The following ZFPM2 variants were observed in gnomAD, a reference collection of about 807,000 sequenced individuals.
The protein encoded by ZFPM2 is zinc finger protein, FOG family member 2, also known as zinc finger protein ZFPM2.
A neutral mutation model predicts 98.6 loss-of-function variants in ZFPM2; 20 were observed. The ratio of observed to expected loss-of-function variants is 0.20; its 90% CI spans 0.14 to 0.29. The LOEUF (loss-of-function observed/expected upper bound fraction) is 0.29. ZFPM2 is among the 10% of genes least tolerant of loss of function. The probability of loss-of-function intolerance (pLI) is 1.00; values close to 1 mark genes in which losing one functional copy is unlikely to be tolerated. For missense variants in ZFPM2, 1,310 were observed against 1,388.6 expected (o/e 0.94, Z 0.90); for synonymous variants, 518 against 502.7 (o/e 1.03, Z -0.41).
chr8:105,635,338 G>C (rs1816825803), intron 5 of ZFPM2, among the ~76,000 whole-genome samples: 1 of 151,978 alleles, frequency 6.6e-6, no homozygotes, highest in South Asian at 2.1e-4. Flanking sequence ...TTAAAAACTT[G>C]CTAGAAACAA....
chr8:105,643,897 C>G (rs186994660), intron 5 of ZFPM2, among the ~76,000 whole-genome samples: 38 of 152,320 alleles, frequency 2.5e-4, no homozygotes, highest in African/African-American at 8.9e-4. Flanking sequence ...AGAGCCAAAT[C>G]TGACCCATGA....
At chr8:105,646,260 A>T (rs1214458816) in intron 5 of ZFPM2, among the ~76,000 whole-genome samples, 1 of 152,028 alleles carries the variant, frequency 6.6e-6, no homozygotes, top group Non-Finnish European at 1.5e-5. Context: ...GGCCAGAACC[A>T]CTCTGTGGTT....
At position 105,491,546 on chromosome 8, in the gene ZFPM2, A is replaced by G. The variant is rs142316129; in HGVS notation, c.301+47165A>G. Among the ~76,000 whole-genome samples, 406 of 152,292 alleles carry G rather than the reference A, an allele frequency of 2.7e-3. 2 individuals carry two copies. Among genetic ancestry groups the G allele is most frequent in the African/African-American group, 9.3e-3 (386 of 41,570 alleles). The stretch of plus-strand genomic sequence containing the variant: ...TGAGATGAATTTCAATGTTGGCCTC[A>G]TCTTTTTTGTTGTTGTTGGAGTTTG... On this transcript the variant is annotated intron_variant, in intron 3 of 7. Transcript: ENST00000407775.
chr8:105,625,483 A>G (rs1490964281), intron 4 of ZFPM2, among the ~76,000 whole-genome samples: 1 of 152,264 alleles, frequency 6.6e-6, no homozygotes, highest in South Asian at 2.1e-4. Context: ...TTTTCAATAG[A>G]ATCACAAGAT....
intron 4 of ZFPM2, among the ~76,000 whole-genome samples, chr8:105,632,257 C>T (rs1311280287): frequency 6.6e-6 from 1 of 152,168 alleles, no homozygotes; most frequent in African/African-American, 2.4e-5. Context: ...GCAACCTCCA[C>T]CTCCTGGGTT....
chr8:105,396,660 C>A (rs1270365836), intron 1 of ZFPM2, among the ~76,000 whole-genome samples: 1 of 152,160 alleles, frequency 6.6e-6, no homozygotes, highest in Non-Finnish European at 1.5e-5. Context: ...TCCGTTAGTG[C>A]ATGTTTATCA....
At chr8:105,359,228 A>T (rs189324299) in intron 1 of ZFPM2, among the ~76,000 whole-genome samples, 1 of 152,166 alleles carries the variant, frequency 6.6e-6, no homozygotes, top group East Asian at 1.9e-4. Flanking sequence ...CATGTAAGAC[A>T]TGCCTGCTTC....
chr8:105,778,112 A>G (rs1246798687), intron 5 of ZFPM2, among the ~76,000 whole-genome samples: 1 of 152,206 alleles, frequency 6.6e-6, no homozygotes, highest in Non-Finnish European at 1.5e-5. Flanking sequence ...CATAATTTAT[A>G]AGTTCTATTC....
At chr8:105,750,726 C>T (rs1812455696) in intron 5 of ZFPM2, among the ~76,000 whole-genome samples, 1 of 151,876 alleles carries the variant, frequency 6.6e-6, no homozygotes, top group South Asian at 2.1e-4. Context: ...GTTTTCCTGA[C>T]TCAGAGGAAA....
intron 3 of ZFPM2, among the ~76,000 whole-genome samples, chr8:105,527,310 A>C (rs143249849): frequency 0.01 from 1,576 of 152,298 alleles, 25 homozygotes; most frequent in African/African-American, 0.036. Context: ...GACGACCTGG[A>C]AATTGGTTGG....
chr8:105,706,601 A>G (rs1194021285), intron 5 of ZFPM2, among the ~76,000 whole-genome samples: 4 of 151,856 alleles, frequency 2.6e-5, no homozygotes, highest in Admixed American at 2.6e-4. Flanking sequence ...TTTTTTTTGG[A>G]AATAGAGTCT....
chr8:105,358,912 G>A (rs776964042), intron 1 of ZFPM2, among the ~76,000 whole-genome samples: 1 of 152,108 alleles, frequency 6.6e-6, no homozygotes, highest in Non-Finnish European at 1.5e-5. Flanking sequence ...CTGAAATCAT[G>A]CCACTGCACT....
chr8:105,713,188 C>T (rs1811443786), intron 5 of ZFPM2, among the ~76,000 whole-genome samples: 1 of 151,892 alleles, frequency 6.6e-6, no homozygotes, highest in Admixed American at 6.6e-5. Flanking sequence ...CATAGTCTCC[C>T]CGGCATGTTA....
chr8:105,478,149 C>T (rs1181638072), intron 3 of ZFPM2, among the ~76,000 whole-genome samples: 2 of 152,158 alleles, frequency 1.3e-5, no homozygotes, highest in Non-Finnish European at 2.9e-5. Context: ...CGGCTGACCA[C>T]GGGAATGGAA....
At chr8:105,557,313 G>T (rs974453948) in intron 3 of ZFPM2, among the ~76,000 whole-genome samples, 2 of 152,132 alleles carry the variant, frequency 1.3e-5, no homozygotes, top group African/African-American at 2.4e-5. Flanking sequence ...CCAAGACCTT[G>T]CTTCTAGTTA....
chr8:105,625,821 G>A (rs1375600195), intron 4 of ZFPM2, among the ~76,000 whole-genome samples: 5 of 151,830 alleles, frequency 3.3e-5, no homozygotes, highest in Admixed American at 6.6e-5. Context: ...GACCTCAGGC[G>A]ATCCACCAAC....
chr8:105,382,497 T>C (rs549459463), intron 1 of ZFPM2, among the ~76,000 whole-genome samples: 5 of 152,060 alleles, frequency 3.3e-5, no homozygotes, highest in African/African-American at 4.8e-5. Context: ...TTTACCTTCA[T>C]TGAGAAGAAT....
At chr8:105,548,859 C>G (rs1267907765) in intron 3 of ZFPM2, among the ~76,000 whole-genome samples, 1 of 152,120 alleles carries the variant, frequency 6.6e-6, no homozygotes, top group Non-Finnish European at 1.5e-5. Flanking sequence ...ACATTAGATT[C>G]ATTTTACATC....
In ZFPM2 at chr8:105,788,812, C is replaced by G. The variant is rs1813500700; in HGVS notation, c.627C>G (p.Ala209=). The stretch of plus-strand genomic sequence containing the variant: ...ATTTTGACTCAAGGCTACAAGCTGC[C>G]AGTCAGATGACTCTCACAGAAGGGA... ...VVDFDSRLQA[A]SQMTLTEGMY... is the part of the protein sequence containing the mutation. Residue 209 remains alanine, a synonymous_variant, in exon 6 of 8, where the codon GCC becomes GCG. Coordinates refer to ENST00000407775, the MANE Select transcript of ZFPM2 (RefSeq NM_012082.4). 6.2e-7 allele frequency: 1 copy of G among 1,613,852 alleles called. No homozygotes were observed. The highest frequency in any genetic ancestry group is 1.3e-5 in the African/African-American group (1 of 74,922).
Sources: gnomAD v4.1 joint callset for allele counts (sites outside exome capture counted in the v4.1 genomes callset) on GRCh38, gnomAD v4.1.1 for gene constraint, MANE v1.5 for transcripts, NCBI Gene and HGNC (gene_info 2026-07-23, HGNC 2026-07-21) for gene names.